Variants in GOPC observed in about 807,000 individuals in gnomAD.
The protein encoded by GOPC is golgi associated PDZ and coiled-coil motif containing, also known as Golgi-associated PDZ and coiled-coil motif-containing protein.
A neutral mutation model predicts 51.2 loss-of-function variants in GOPC; 32 were observed. The ratio of observed to expected loss-of-function variants is 0.63; its 90% CI spans 0.47 to 0.84. The LOEUF is 0.84. Among genes scored for constraint, GOPC ranks in the 40% least tolerant of loss-of-function variants. The pLI is 0.00. For synonymous variants in GOPC, 190 were observed against 205.1 expected, an observed-to-expected ratio of 0.93 and a Z score of 0.63; for missense variants, 441 against 555.5, an observed-to-expected ratio of 0.79 and a Z score of 2.07.
In GOPC at chr6:117,576,516, G is replaced by A. The variant is rs1779882797; in HGVS notation, c.474+932C>T. ...TAAAGTTGATGCAACTTTTGAAAGA[G>A]CACTCCTAGACCAAGATTTCTTTGG... On this transcript the variant is annotated intron_variant, in intron 3 of 8. Coordinates refer to ENST00000368498, the MANE Select transcript of GOPC (RefSeq NM_020399.4). 2.0e-5 allele frequency among the ~76,000 whole-genome samples: 3 copies of A among 152,018 alleles called. No homozygotes were observed. In the South Asian group the frequency reaches 6.2e-4, roughly 31 times the overall value.
At chr6:117,571,439 CT>C (rs1440598606) in intron 5 of GOPC, among the ~76,000 whole-genome samples, 2 of 152,154 alleles carry the variant, frequency 1.3e-5, no homozygotes, top group Non-Finnish European at 2.9e-5. Flanking sequence ...AATCTTTTCT[CT>C]GGTACCCTTA....
intron 1 of GOPC, among the ~76,000 whole-genome samples, chr6:117,580,825 TATC>T (rs1779946268): frequency 2.6e-5 from 4 of 152,176 alleles, no homozygotes; most frequent in Admixed American, 2.6e-4. Flanking sequence ...AATGACATGT[TATC>T]ATGGTAACTT....
Position 117,562,268 on chromosome 6 carries a change from T to G in GOPC, c.*986A>C, listed in dbSNP as rs1296064737. On this transcript the variant is annotated 3_prime_UTR_variant, in exon 9 of 9. Coordinates refer to ENST00000368498, the MANE Select transcript of GOPC (RefSeq NM_020399.4). ...GTCTTTATCTCATCTTGCCCACCTT[T>G]TAGATGACTGGAAATCATTTACTTA... is the stretch of plus-strand genomic sequence containing the variant. 1 of 206,466 alleles carries G rather than the reference T, an allele frequency of 4.8e-6. No individual in the cohort carries two copies. The highest frequency in any genetic ancestry group is 2.3e-5 in the African/African-American group (1 of 43,816). 12.8% of individuals were successfully genotyped at this position (206,466 alleles called of 1,614,324 possible). A position where few individuals can be genotyped will look rare whatever the true frequency, so the allele number is the denominator to read the frequency against.
chr6:117,568,026 CAA>C (rs779227271), intron 7 of GOPC, among the ~76,000 whole-genome samples: 9 of 46,640 alleles, frequency 1.9e-4, no homozygotes, highest in South Asian at 7.1e-4. Flanking sequence ...CCCATCTCTA[CAA>C]AAAAAAAAAA....
In GOPC at chr6:117,575,307, G is replaced by T; in HGVS notation, c.520C>A (p.Gln174Lys). ...ANKKEKMKEA[Q>K]LEAEVKLLRK... The stretch of plus-strand genomic sequence containing the variant: ...AACAATTTCACTTCAGCTTCAAGTT[G>T]TGCTTCTTTCATTTTTTCTTTTTTG... Residue 174 changes from glutamine to lysine, a missense_variant, in exon 4 of 9, where the codon CAA becomes AAA. Gln to Lys is a moderately conservative substitution (Grantham distance 53). Around this residue, in one of 3 missense-constraint regions of GOPC, gnomAD observed 204 missense variants for 219.8 expected, o/e 0.93. Transcript: ENST00000368498. 8 of 1,612,760 alleles carry T rather than the reference G, an allele frequency of 5.0e-6. No individual in the cohort carries two copies. The highest frequency in any genetic ancestry group is 6.8e-6 in the Non-Finnish European group (8 of 1,179,512).
intron 1 of GOPC, among the ~76,000 whole-genome samples, chr6:117,589,474 C>T (rs1014734051): frequency 2.0e-5 from 3 of 152,232 alleles, no homozygotes; most frequent in African/African-American, 7.2e-5. Flanking sequence ...CATGTACCAC[C>T]ATTCCTGGCA....
intron 1 of GOPC, among the ~76,000 whole-genome samples, chr6:117,585,650 G>T (rs951853554): frequency 3.3e-5 from 5 of 152,204 alleles, no homozygotes; most frequent in Admixed American, 3.3e-4. Context: ...GAAAAAATGG[G>T]GAAGATGTAG....
intron 3 of GOPC, 59 bp downstream of exon 3, chr6:117,577,388 TA>T (rs1406473508): frequency 2.8e-6 from 4 of 1,443,810 alleles, no homozygotes; most frequent in African/African-American, 2.9e-5. Flanking sequence ...AATATGCAAA[TA>T]AAACACTAAG....
In GOPC at chr6:117,560,785, G is replaced by A. The variant is rs1452416655; in HGVS notation, c.*2469C>T. The A allele has an allele frequency of 2.8e-5, 6 of 210,672 alleles. No individual in the cohort carries two copies. The highest frequency in any genetic ancestry group is 5.8e-5 in the Non-Finnish European group (6 of 103,852). 13.1% of individuals were successfully genotyped at this position (210,672 alleles called of 1,614,324 possible). On this transcript the variant is annotated 3_prime_UTR_variant, in exon 9 of 9. Transcript: ENST00000368498. Reference sequence around the variant, plus strand: ...TACAACCCTCACATTTTATTAAAACGTTTTCTCAACCATTCTGTTTGTGTA... The same window carrying A: ...TACAACCCTCACATTTTATTAAAACATTTTCTCAACCATTCTGTTTGTGTA...
chr6:117,597,596 T>C (rs1484781843), intron 1 of GOPC, among the ~76,000 whole-genome samples: 2 of 152,196 alleles, frequency 1.3e-5, no homozygotes, highest in Non-Finnish European at 2.9e-5. Context: ...ATGTGAGCAA[T>C]TTGAAATGGC....
intron 1 of GOPC, among the ~76,000 whole-genome samples, chr6:117,581,224 GTCTGGGA>G: frequency 6.6e-6 from 1 of 152,128 alleles, no homozygotes; most frequent in African/African-American, 2.4e-5. Flanking sequence ...GAGTATCAAG[GTCTGGGA>G]TGGCCCAAGA....
intron 1 of GOPC, among the ~76,000 whole-genome samples, chr6:117,582,414 A>G (rs569629730): frequency 1.3e-5 from 2 of 151,796 alleles, no homozygotes; most frequent in Non-Finnish European, 2.9e-5. Context: ...GAGAACTTCC[A>G]TCCCTGTGTG....
At chr6:117,585,517 T>A (rs756749689) in intron 1 of GOPC, among the ~76,000 whole-genome samples, 1 of 152,132 alleles carries the variant, frequency 6.6e-6, no homozygotes, top group Non-Finnish European at 1.5e-5. Context: ...ACCTAAAACA[T>A]CTTTATTTTA....
chr6:117,563,520 G>T, intron 8 of GOPC, 136 bp from the exon 9 acceptor site: 1 of 739,046 alleles, frequency 1.4e-6, no homozygotes, highest in East Asian at 2.6e-5. Flanking sequence ...TTAGGGGTTC[G>T]AGACCAGCCT....
At chr6:117,592,745 G>A (rs1422233707) in intron 1 of GOPC, among the ~76,000 whole-genome samples, 3 of 152,054 alleles carry the variant, frequency 2.0e-5, no homozygotes, top group Non-Finnish European at 4.4e-5. Flanking sequence ...AGGTTTTGGG[G>A]GTGGATATGA....
rs1772031770 is a variant in GOPC at position 117,602,283 on chromosome 6, C to G, written c.6G>C (p.Ser2=). M[S]AGGPCPAAAG... ...CTGCTGCTGGGCATGGACCGCCCGCCGACATGGCGCCGTCAAGGGCCTCTC... is the reference window on the plus strand; with the variant it reads ...CTGCTGCTGGGCATGGACCGCCCGCGGACATGGCGCCGTCAAGGGCCTCTC... The change falls in exon 1 of 9, where the codon TCG becomes TCC. Residue 2 remains serine (S), a synonymous_variant. Coordinates refer to ENST00000368498, the MANE Select transcript of GOPC (RefSeq NM_020399.4). 1.3e-6 allele frequency: 2 copies of G among 1,588,830 alleles called. No homozygotes were observed. Among genetic ancestry groups the G allele is most frequent in the Admixed American group, 1.7e-5 (1 of 58,610 alleles).
intron 1 of GOPC, among the ~76,000 whole-genome samples, chr6:117,583,149 A>G (rs1176496669): frequency 3.3e-5 from 5 of 152,084 alleles, no homozygotes; most frequent in Non-Finnish European, 7.4e-5. Context: ...AGTGCAGCAG[A>G]CCCAAGTGAA....
intron 8 of GOPC, 134 bp downstream of exon 8, chr6:117,566,720 A>G (rs1766699253): frequency 3.6e-6 from 2 of 562,370 alleles, no homozygotes; most frequent in East Asian, 2.9e-5. Context: ...CAATAAAACA[A>G]TAAACAAGGG....
In GOPC at chr6:117,589,625, G is replaced by C. The variant is rs975309280; in HGVS notation, c.286-10561C>G. Among the ~76,000 whole-genome samples, 4 of 149,918 alleles carry C rather than the reference G, an allele frequency of 2.7e-5. No individual in the cohort carries two copies. The East Asian group carries it at 7.8e-4, about 29-fold the overall frequency. On this transcript the variant is annotated intron_variant, in intron 1 of 8. Coordinates refer to ENST00000368498, the MANE Select transcript of GOPC (RefSeq NM_020399.4). ...GTGAGCCACTGCGCCCAGCCCTAAT[G>C]TTTTTTTTTTAAAAGGCAGCTATGT... is the stretch of plus-strand genomic sequence containing the variant.
Sources: gnomAD v4.1 joint callset for allele counts (sites outside exome capture counted in the v4.1 genomes callset) on GRCh38, gnomAD v4.1.1 for gene constraint, gnomAD v4.1.1 regional missense constraint, MANE v1.5 for transcripts, NCBI Gene and HGNC (gene_info 2026-07-23, HGNC 2026-07-21) for gene names.